Variants in ZFHX3 observed in about 807,000 individuals in gnomAD.
ZFHX3 encodes the protein zinc finger homeobox 3, also known as zinc finger homeobox protein 3.
A neutral mutation model predicts 279.1 loss-of-function variants in ZFHX3; 42 were observed. The ratio of observed to expected loss-of-function variants is 0.15; its 90% CI spans 0.12 to 0.19. The LOEUF (loss-of-function observed/expected upper bound fraction) is 0.19. ZFHX3 is among the 10% of genes least tolerant of loss of function. The pLI is 1.00. For missense variants in ZFHX3, 4,981 were observed against 4,754.0 expected (o/e 1.05, Z -1.40); for synonymous variants, 2,293 against 1,957.8 (o/e 1.17, Z -4.52).
chr16:72,932,815 C>A (rs1009829621), intron 3 of ZFHX3, among the ~76,000 whole-genome samples: 2 of 152,136 alleles, frequency 1.3e-5, no homozygotes, highest in Non-Finnish European at 2.9e-5. Flanking sequence ...TCCTTAACAC[C>A]TTTCTGATGC....
At chr16:72,914,003 A>C (rs2039381763) in intron 3 of ZFHX3, among the ~76,000 whole-genome samples, 1 of 152,228 alleles carries the variant, frequency 6.6e-6, no homozygotes, top group Non-Finnish European at 1.5e-5. Context: ...CAGTAGGTGA[A>C]ATGTGGAACC....
At chr16:72,977,222 C>T (rs1179882521) in intron 1 of ZFHX3, among the ~76,000 whole-genome samples, 1 of 152,158 alleles carries the variant, frequency 6.6e-6, no homozygotes, top group African/African-American at 2.4e-5. Flanking sequence ...CTTGGTTCCT[C>T]TTTAAGCTGG....
intron 4 of ZFHX3, among the ~76,000 whole-genome samples, chr16:73,283,117 T>C (rs1224717433): frequency 6.6e-6 from 1 of 152,212 alleles, no homozygotes; most frequent in Non-Finnish European, 1.5e-5. Flanking sequence ...ACTTCTCCAT[T>C]GCCAGTGCCA....
chr16:73,134,624 T>C (rs1429246697), intron 6 of ZFHX3: 5 of 152,114 alleles, frequency 3.3e-5, no homozygotes, highest in Non-Finnish European at 7.3e-5. Flanking sequence ...TATGCCCCAC[T>C]GCACCTGGCT....
chr16:73,668,162 A>G (rs1227726389), intron 2 of ZFHX3, among the ~76,000 whole-genome samples: 1 of 152,188 alleles, frequency 6.6e-6, no homozygotes, highest in East Asian at 1.9e-4. Context: ...TTTCGGCACA[A>G]GTGTCTATCA....
intron 1 of ZFHX3, among the ~76,000 whole-genome samples, chr16:72,969,685 A>C (rs1409093960): frequency 1.3e-5 from 2 of 152,234 alleles, no homozygotes; most frequent in African/African-American, 4.8e-5. Flanking sequence ...GAGAAGGTGA[A>C]ACCTCCTTCA....
intron 1 of ZFHX3, among the ~76,000 whole-genome samples, chr16:73,011,758 T>C (rs1282090099): frequency 6.7e-6 from 1 of 149,744 alleles, no homozygotes; most frequent in African/African-American, 2.5e-5. Flanking sequence ...CCCTGTGGAT[T>C]CTTAAGCTTT....
At chr16:73,696,022 A>G (rs1285427223) in intron 1 of ZFHX3, among the ~76,000 whole-genome samples, 3 of 152,212 alleles carry the variant, frequency 2.0e-5, no homozygotes, top group Non-Finnish European at 4.4e-5. Flanking sequence ...AAAAGAGAGT[A>G]AGAGGGAAAT....
In ZFHX3 at chr16:72,981,263, C is replaced by A. The variant is rs190731213; in HGVS notation, c.-49-21069G>T. Among the ~76,000 whole-genome samples the A allele has an allele frequency of 3.9e-5, 6 of 152,282 alleles. No homozygotes were observed. The East Asian group carries it at 1.2e-3, about 29-fold the overall frequency. ...ACAGAAAAAGACAATATGCATCACG[C>A]CTGGGCATAGCACCTGACAGCCTTT... On this transcript the variant is annotated intron_variant, in intron 1 of 9. Coordinates refer to ENST00000268489, the MANE Select transcript of ZFHX3 (RefSeq NM_006885.4).
chr16:73,684,419 TA>T (rs1277140206), intron 1 of ZFHX3, among the ~76,000 whole-genome samples: 4 of 151,890 alleles, frequency 2.6e-5, no homozygotes, highest in East Asian at 3.9e-4. Flanking sequence ...AAAATTGGGA[TA>T]AAAAAATAAG....
At chr16:73,768,197 T>C (rs1162142958) in intron 1 of ZFHX3, among the ~76,000 whole-genome samples, 4 of 152,168 alleles carry the variant, frequency 2.6e-5, no homozygotes, top group African/African-American at 9.7e-5. Flanking sequence ...TCTTAGATTA[T>C]AAAGTTCAAT....
Position 72,787,245 on chromosome 16 carries a change from G to T in ZFHX3, c.11031C>A (p.Ser3677Arg). Residue 3677 changes from serine to arginine, a missense_variant, in exon 10 of 10, where the codon AGC (serine) becomes AGA (arginine). Transcript: ENST00000268489. ...DLSQKSDGPASPVEGPKDPSC... is the reference protein window; with the variant it reads ...DLSQKSDGPARPVEGPKDPSC... ...TGGGGTCTTTGGGACCCTCCACCGG[G>T]CTCGCCGGTCCGTCGGACTTTTGGC... 2.5e-6 allele frequency: 4 copies of T among 1,614,046 alleles called. No individual in the cohort carries two copies. The highest frequency in any genetic ancestry group is 3.4e-6 in the Non-Finnish European group (4 of 1,180,008).
intron 5 of ZFHX3, among the ~76,000 whole-genome samples, chr16:73,231,490 T>C (rs2012770619): frequency 6.6e-6 from 1 of 152,198 alleles, no homozygotes; most frequent in African/African-American, 2.4e-5. Flanking sequence ...GAACGCTCTA[T>C]CTGTGCTCAC....
At chr16:73,008,620 T>C (rs1336977793) in intron 1 of ZFHX3, among the ~76,000 whole-genome samples, 1 of 152,182 alleles carries the variant, frequency 6.6e-6, no homozygotes, top group Non-Finnish European at 1.5e-5. Context: ...GTTAAGTCTC[T>C]GTGCCTTCTG....
chr16:73,248,147 TTGTC>T (rs1260222281), intron 5 of ZFHX3, among the ~76,000 whole-genome samples: 2 of 148,252 alleles, frequency 1.3e-5, no homozygotes, highest in Non-Finnish European at 3.0e-5. Flanking sequence ...ATGTGTGTGT[TTGTC>T]TATGTGCCTG....
At chr16:73,037,543 T>C (rs1164472910) in intron 1 of ZFHX3, among the ~76,000 whole-genome samples, 8 of 152,088 alleles carry the variant, frequency 5.3e-5, no homozygotes, top group African/African-American at 1.4e-4. Context: ...GAAAGAAACC[T>C]GGGGCTTGGA....
At chr16:73,654,857 T>TTA (rs1567543629) in intron 2 of ZFHX3, among the ~76,000 whole-genome samples, 2 of 139,846 alleles carry the variant, frequency 1.4e-5, no homozygotes, top group Non-Finnish European at 1.6e-5. Flanking sequence ...GTAATCACTT[T>TTA]TTTTTTTTTT....
At chr16:73,761,265 A>C (rs536248057) in intron 1 of ZFHX3, among the ~76,000 whole-genome samples, 1 of 152,194 alleles carries the variant, frequency 6.6e-6, no homozygotes, top group South Asian at 2.1e-4. Context: ...ATACATAGGA[A>C]TACAGCTAAC....
chr16:73,626,604 C>T (rs915529565), intron 2 of ZFHX3, among the ~76,000 whole-genome samples: 2 of 152,308 alleles, frequency 1.3e-5, no homozygotes, highest in Admixed American at 1.3e-4. Flanking sequence ...GCCATAGGAT[C>T]ACCAAGGAGT....
Sources: gnomAD v4.1 joint callset for allele counts (sites outside exome capture counted in the v4.1 genomes callset) on GRCh38, gnomAD v4.1.1 for gene constraint, MANE v1.5 for transcripts, NCBI Gene and HGNC (gene_info 2026-07-23, HGNC 2026-07-21) for gene names.